GALNT13: variants seen among roughly 807,000 people sequenced by gnomAD.
GALNT13 encodes polypeptide N-acetylgalactosaminyltransferase 13, also known as UDP-GalNAc:polypeptide N-acetylgalactosaminyltransferase 13.
In GALNT13, 28 loss-of-function variants were observed where a neutral mutation model predicts 64.2. The observed-to-expected ratio is 0.44, with a 90% CI of 0.32 to 0.60. The LOEUF is 0.60. GALNT13 is among the 20% of genes least tolerant of loss of function. The probability of loss-of-function intolerance (pLI) is 0.05; values close to 1 mark genes in which losing one functional copy is unlikely to be tolerated. For missense variants in GALNT13, 577 were observed against 669.8 expected, an observed-to-expected ratio of 0.86 and a Z score of 1.53; for synonymous variants, 214 against 224.6, an observed-to-expected ratio of 0.95 and a Z score of 0.42.
At chr2:154,306,194 C>A (rs1347315283) in intron 9 of GALNT13, among the ~76,000 whole-genome samples, 2 of 151,946 alleles carry the variant, frequency 1.3e-5, no homozygotes, top group Admixed American at 6.6e-5. Flanking sequence ...GATACATGTG[C>A]AGAACATGCA....
chr2:153,922,315 A>C (rs1689814098), intron 2 of GALNT13, among the ~76,000 whole-genome samples: 1 of 152,206 alleles, frequency 6.6e-6, no homozygotes, highest in South Asian at 2.1e-4. Context: ...TTCTGATGTC[A>C]GTCAGTTGTT....
chr2:153,743,957 G>A, the GALNT13 span, among the ~76,000 whole-genome samples: 2 of 152,126 alleles, frequency 1.3e-5, no homozygotes, highest in East Asian at 3.9e-4. Context: ...ATTTCACTTA[G>A]CATCATGACC....
At chr2:154,367,767 G>T (rs1352329237) in intron 9 of GALNT13, among the ~76,000 whole-genome samples, 1 of 152,146 alleles carries the variant, frequency 6.6e-6, no homozygotes, top group Non-Finnish European at 1.5e-5. Context: ...TTGATAAAGA[G>T]TAGGAAGTGT....
At chr2:153,649,124 T>C in the GALNT13 span, among the ~76,000 whole-genome samples, 4 of 152,188 alleles carry the variant, frequency 2.6e-5, no homozygotes, top group African/African-American at 7.2e-5. Context: ...AGCTATTAAT[T>C]ATTGCCTCAG....
chr2:154,290,408 A>T (rs1247482980), intron 8 of GALNT13, among the ~76,000 whole-genome samples: 3 of 152,248 alleles, frequency 2.0e-5, no homozygotes, highest in African/African-American at 7.2e-5. Flanking sequence ...CCGAACTTTT[A>T]CATCTCTCTT....
At chr2:154,225,137 T>TGAC (rs773851977) in intron 4 of GALNT13, among the ~76,000 whole-genome samples, 4,192 of 128,472 alleles carry the variant, frequency 0.033, 87 homozygotes, top group African/African-American at 0.054. Flanking sequence ...GATAGATAGA[T>TGAC]AGATAGATGA....
chr2:153,780,848 G>A, the GALNT13 span, among the ~76,000 whole-genome samples: 1 of 152,270 alleles, frequency 6.6e-6, no homozygotes, highest in Admixed American at 6.5e-5. Context: ...AAGTGCCAGG[G>A]ATACAGTGAT....
upstream of GALNT13, among the ~76,000 whole-genome samples, chr2:153,869,266 T>A (rs1685811199): frequency 6.6e-6 from 1 of 152,176 alleles, no homozygotes; most frequent in African/African-American, 2.4e-5. Context: ...TCATACAGTT[T>A]AGATATTATA....
chr2:153,773,091 C>G, the GALNT13 span, among the ~76,000 whole-genome samples: 1 of 152,232 alleles, frequency 6.6e-6, no homozygotes, highest in African/African-American at 2.4e-5. Flanking sequence ...CTGATTGGAC[C>G]TGGCCAATCA....
the GALNT13 span, chr2:153,159,632 AG>A: frequency 6.6e-6 from 1 of 152,420 alleles, no homozygotes; most frequent in African/African-American, 2.4e-5. Flanking sequence ...AATGGTGCAG[AG>A]CACAGCTAGA....
At chr2:153,316,489 A>C in the GALNT13 span, among the ~76,000 whole-genome samples, 1 of 151,770 alleles carries the variant, frequency 6.6e-6, no homozygotes, top group East Asian at 1.9e-4. Context: ...AAAAATACAA[A>C]AATTAGCTGG....
rs144641750 is a variant in GALNT13 at position 153,875,447 on chromosome 2, A to G, written c.-177+3144A>G. ...ACCTTCTATTTGTTTTACAGGTTTAACTTATGCATCTAACTTTTTAACTTA... is the reference window on the plus strand; with the variant it reads ...ACCTTCTATTTGTTTTACAGGTTTAGCTTATGCATCTAACTTTTTAACTTA... On this transcript the variant is annotated intron_variant, in intron 1 of 12. Transcript: ENST00000392825. 2.5e-3 allele frequency among the ~76,000 whole-genome samples: 375 copies of G among 152,312 alleles called. 1 individual carries two copies. The highest frequency in any genetic ancestry group is 0.01 in the Middle Eastern group (3 of 294).
At chr2:153,379,878 G>A in the GALNT13 span, among the ~76,000 whole-genome samples, 1 of 152,018 alleles carries the variant, frequency 6.6e-6, no homozygotes, top group African/African-American at 2.4e-5. Context: ...ATGATCCAAT[G>A]GGATAGATAT....
chr2:153,329,511 A>T, the GALNT13 span, among the ~76,000 whole-genome samples: 1 of 151,996 alleles, frequency 6.6e-6, no homozygotes, highest in Non-Finnish European at 1.5e-5. Context: ...TTTGATTTGC[A>T]TTTCTCTGAT....
chr2:154,379,701 C>A (rs1470652077), intron 9 of GALNT13, among the ~76,000 whole-genome samples: 1 of 151,958 alleles, frequency 6.6e-6, no homozygotes, highest in Non-Finnish European at 1.5e-5. Context: ...TATAATTACA[C>A]TATGTAGTAA....
At chr2:153,899,580 G>T (rs1688095201) in intron 1 of GALNT13, among the ~76,000 whole-genome samples, 1 of 151,950 alleles carries the variant, frequency 6.6e-6, no homozygotes, top group South Asian at 2.1e-4. Context: ...ATTTATTCAT[G>T]GGCCAGGTAG....
At chr2:154,033,227 T>A (rs1228249167) in intron 3 of GALNT13, among the ~76,000 whole-genome samples, 3 of 151,964 alleles carry the variant, frequency 2.0e-5, no homozygotes, top group African/African-American at 7.2e-5. Flanking sequence ...TGTAAAACTT[T>A]TGAAGAAATA....
chr2:153,387,910 T>C, the GALNT13 span, among the ~76,000 whole-genome samples: 5 of 152,052 alleles, frequency 3.3e-5, no homozygotes, highest in East Asian at 3.9e-4. Context: ...TTCAAAAGAA[T>C]CATCAGGTAG....
chr2:154,436,575 C>A (rs1700984091), intron 11 of GALNT13: 1 of 152,138 alleles, frequency 6.6e-6, no homozygotes, highest in Non-Finnish European at 1.5e-5. Context: ...AAAGAAATTT[C>A]TCTAGAAATT....
Sources: gnomAD v4.1 joint callset for allele counts (sites outside exome capture counted in the v4.1 genomes callset) on GRCh38, gnomAD v4.1.1 for gene constraint, MANE v1.5 for transcripts, NCBI Gene and HGNC (gene_info 2026-07-23, HGNC 2026-07-21) for gene names.